AGTPBP1: variants seen among roughly 807,000 people sequenced by gnomAD.
AGTPBP1 encodes the protein ATP/GTP binding carboxypeptidase 1, also known as cytosolic carboxypeptidase 1.
A neutral mutation model predicts 143.9 loss-of-function variants in AGTPBP1; 70 were observed. The ratio of observed to expected loss-of-function variants is 0.49; its 90% CI spans 0.40 to 0.59. The LOEUF is 0.59. Ranked by LOEUF, AGTPBP1 falls within the 20% of genes least tolerant of loss-of-function variation. The pLI is 0.00. For missense variants in AGTPBP1, 1,229 were observed against 1,464.5 expected, an observed-to-expected ratio of 0.84 and a Z score of 2.62; for synonymous variants, 463 against 500.2, an observed-to-expected ratio of 0.93 and a Z score of 0.99.
At chr9:85,557,345 T>C (rs1826415925) in intron 25 of AGTPBP1, among the ~76,000 whole-genome samples, 1 of 152,208 alleles carries the variant, frequency 6.6e-6, no homozygotes, top group Admixed American at 6.5e-5. Flanking sequence ...TTTCAATCTC[T>C]CTATTTGTGG....
intron 1 of AGTPBP1, among the ~76,000 whole-genome samples, chr9:85,736,503 G>A (rs2134800772): frequency 6.6e-6 from 1 of 152,288 alleles, no homozygotes; most frequent in African/African-American, 2.4e-5. Flanking sequence ...AGAGAACACT[G>A]TAGAGCTTAT....
At chr9:85,755,726 T>C in the AGTPBP1 span, among the ~76,000 whole-genome samples, 2 of 152,218 alleles carry the variant, frequency 1.3e-5, no homozygotes, top group African/African-American at 4.8e-5. Context: ...CAGCCACCAG[T>C]GTAAGTGCTG....
intron 25 of AGTPBP1, among the ~76,000 whole-genome samples, chr9:85,555,523 C>T (rs1826283087): frequency 6.6e-6 from 1 of 152,138 alleles, no homozygotes; most frequent in Non-Finnish European, 1.5e-5. Context: ...CACTTGAACC[C>T]AGGAGGCAGA....
intron 4 of AGTPBP1, 78 bp downstream of exon 4, chr9:85,681,190 T>TAC: frequency 7.9e-7 from 1 of 1,272,158 alleles, no homozygotes; most frequent in Non-Finnish European, 1.1e-6. Flanking sequence ...TGTGTATTTA[T>TAC]ACACACACAT....
At chr9:85,689,209 T>C (rs1339224645) in intron 3 of AGTPBP1, among the ~76,000 whole-genome samples, 1 of 152,208 alleles carries the variant, frequency 6.6e-6, no homozygotes, top group Non-Finnish European at 1.5e-5. Flanking sequence ...TTATGTATCA[T>C]CTATGGCTGT....
chr9:85,631,138 C>T (rs995415789), intron 14 of AGTPBP1, among the ~76,000 whole-genome samples: 4 of 152,190 alleles, frequency 2.6e-5, no homozygotes, highest in African/African-American at 9.7e-5. Flanking sequence ...CTGGCAACCA[C>T]ATCTTGTTGT....
At chr9:85,566,501 G>A (rs1827105104) in intron 25 of AGTPBP1, among the ~76,000 whole-genome samples, 1 of 133,938 alleles carries the variant, frequency 7.5e-6, no homozygotes, top group Non-Finnish European at 1.5e-5. Context: ...CTGCATTCCA[G>A]CCTGGGCAAC....
Position 85,547,123 on chromosome 9 carries a change from T to C in AGTPBP1, c.3667A>G (p.Thr1223Ala). ...TGGCAGCGGGCTCAAGGTAGGTATG[T>C]TCTTGATAATTCAGAGTCAGAAAGT... The part of the protein sequence containing the change: ...EVLSDSELSR[T>A]YLP Residue 1223 changes from threonine to alanine, a missense_variant, in exon 26 of 26, where the codon ACA becomes GCA. Thr to Ala is a moderately conservative substitution (Grantham distance 58). This residue lies in a region of AGTPBP1 where 486 missense variants were observed against 652.3 expected (regional missense o/e 0.75). Coordinates refer to ENST00000357081, the MANE Select transcript of AGTPBP1 (RefSeq NM_001330701.2). 1 of 1,611,246 alleles carries C rather than the reference T, an allele frequency of 6.2e-7. No homozygotes were observed. The highest frequency in any genetic ancestry group is 8.5e-7 in the Non-Finnish European group (1 of 1,178,970).
chr9:85,751,275 T>C, the AGTPBP1 span, among the ~76,000 whole-genome samples: 3 of 152,260 alleles, frequency 2.0e-5, no homozygotes, highest in African/African-American at 7.2e-5. Flanking sequence ...TCAGTGCTTC[T>C]GAAATTACTT....
chr9:85,711,585 G>A (rs1036310116), intron 2 of AGTPBP1, among the ~76,000 whole-genome samples: 1 of 151,610 alleles, frequency 6.6e-6, no homozygotes, highest in African/African-American at 2.4e-5. Context: ...GACTACAGGC[G>A]CCTACCACCA....
At chr9:85,700,029 T>G (rs2134352785) in intron 2 of AGTPBP1, among the ~76,000 whole-genome samples, 1 of 152,320 alleles carries the variant, frequency 6.6e-6, no homozygotes, top group Non-Finnish European at 1.5e-5. Context: ...AGACAGAGTC[T>G]CATACCTACT....
intron 8 of AGTPBP1, among the ~76,000 whole-genome samples, chr9:85,668,020 T>G (rs1469181956): frequency 6.6e-6 from 1 of 151,852 alleles, no homozygotes; most frequent in African/African-American, 2.4e-5. Flanking sequence ...AGAAAAGATC[T>G]GTAATTGACA....
the AGTPBP1 span, among the ~76,000 whole-genome samples, chr9:85,804,117 G>C: frequency 6.7e-6 from 1 of 149,622 alleles, no homozygotes; most frequent in Non-Finnish European, 1.5e-5. Flanking sequence ...TAAATCACTA[G>C]CATAAAGAAA....
chr9:85,632,732 G>T lies in AGTPBP1; in HGVS notation c.1945C>A (p.Pro649Thr). ...SVPEYSEVAYPDYFGHIPPPF... is the reference protein window; with the variant it reads ...SVPEYSEVAYTDYFGHIPPPF... ...GGCGGAATGTGACCAAAATAATCGG[G>T]ATAAGCCACCTCTGAATATTCTGGG... Residue 649 changes from proline to threonine, a missense_variant, in exon 14 of 26, where the codon CCC becomes ACC. By Grantham distance (38) the Pro-to-Thr change is conservative. Coordinates refer to ENST00000357081, the MANE Select transcript of AGTPBP1 (RefSeq NM_001330701.2). 1 of 1,614,076 alleles carries T rather than the reference G, an allele frequency of 6.2e-7. No homozygotes were observed.
the AGTPBP1 span, among the ~76,000 whole-genome samples, chr9:85,773,589 C>T: frequency 6.6e-6 from 1 of 151,896 alleles, no homozygotes; most frequent in Non-Finnish European, 1.5e-5. Context: ...CCCCCCACCT[C>T]AGACTCCCAA....
the AGTPBP1 span, among the ~76,000 whole-genome samples, chr9:85,751,306 A>C: frequency 6.6e-6 from 1 of 152,316 alleles, no homozygotes; most frequent in South Asian, 2.1e-4. Flanking sequence ...TATAGTTTTT[A>C]TTTTGTTATA....
At chr9:85,569,672 C>T (rs772532542) in intron 25 of AGTPBP1, among the ~76,000 whole-genome samples, 3 of 152,132 alleles carry the variant, frequency 2.0e-5, no homozygotes, top group African/African-American at 4.8e-5. Context: ...ACGCTAGTAG[C>T]GTGTCATATT....
the AGTPBP1 span, among the ~76,000 whole-genome samples, chr9:85,757,273 G>A: frequency 6.6e-5 from 10 of 152,092 alleles, no homozygotes; most frequent in African/African-American, 2.2e-4. Flanking sequence ...CAACATATTG[G>A]TCAGACTGGT....
At chr9:85,701,324 G>A (rs1836642703) in intron 2 of AGTPBP1, among the ~76,000 whole-genome samples, 1 of 151,462 alleles carries the variant, frequency 6.6e-6, no homozygotes, top group South Asian at 2.1e-4. Flanking sequence ...CTGCTTCCCT[G>A]GTTCAAGCGA....
Sources: allele counts gnomAD v4.1 joint callset (sites outside exome capture counted in the v4.1 genomes callset), GRCh38; gene constraint gnomAD v4.1.1; regional missense constraint gnomAD v4.1.1; transcripts MANE v1.5; gene names NCBI Gene and HGNC (gene_info 2026-07-23, HGNC 2026-07-21).